The following RALYL variants were observed in gnomAD, a reference collection of about 807,000 sequenced individuals.
The protein encoded by RALYL is RNA-binding Raly-like protein.
Under a neutral mutation model 35.1 loss-of-function variants are expected in RALYL, and 29 were observed. The ratio of observed to expected loss-of-function variants is 0.83; its 90% CI spans 0.61 to 1.13. The LOEUF (loss-of-function observed/expected upper bound fraction) is 1.13. Among genes scored for constraint, RALYL ranks in the 50% most tolerant of loss-of-function variants. RALYL has a pLI of 0.00. For synonymous variants in RALYL, 120 were observed against 127.6 expected, an observed-to-expected ratio of 0.94 and a Z score of 0.40; for missense variants, 359 against 360.4, an observed-to-expected ratio of 1.00 and a Z score of 0.03.
At chr8:84,610,779 T>C (rs1818133023) in intron 2 of RALYL, among the ~76,000 whole-genome samples, 1 of 152,168 alleles carries the variant, frequency 6.6e-6, no homozygotes, top group Admixed American at 6.6e-5. Context: ...TGATATATTT[T>C]ACTTATTTTG....
chr8:84,697,611 A>G (rs181398362), intron 2 of RALYL, among the ~76,000 whole-genome samples: 3 of 152,208 alleles, frequency 2.0e-5, no homozygotes, highest in African/African-American at 7.2e-5. Flanking sequence ...CTTTTAATTC[A>G]GGAGTGAAAG....
chr8:84,374,253 A>G (rs1315373627), intron 1 of RALYL, among the ~76,000 whole-genome samples: 1 of 151,950 alleles, frequency 6.6e-6, no homozygotes, highest in Non-Finnish European at 1.5e-5. Context: ...CATGAATAGG[A>G]GTGATGACAA....
intron 1 of RALYL, among the ~76,000 whole-genome samples, chr8:84,226,637 T>C (rs935526280): frequency 2.6e-5 from 4 of 152,292 alleles, no homozygotes; most frequent in Admixed American, 2.6e-4. Flanking sequence ...AATTTACATC[T>C]ACATCTACTA....
intron 2 of RALYL, among the ~76,000 whole-genome samples, chr8:84,592,404 T>A (rs2130562904): frequency 6.6e-6 from 1 of 152,280 alleles, no homozygotes; most frequent in South Asian, 2.1e-4. Flanking sequence ...TTCTTTTTTA[T>A]TTTTGCTGTC....
chr8:84,388,947 G>T (rs1176121511), intron 1 of RALYL, among the ~76,000 whole-genome samples: 2 of 152,142 alleles, frequency 1.3e-5, no homozygotes, highest in Non-Finnish European at 2.9e-5. Context: ...TGTTGCCTAG[G>T]TTTTCTTCTA....
chr8:84,235,869 C>A (rs1412647182), intron 1 of RALYL, among the ~76,000 whole-genome samples: 2 of 148,892 alleles, frequency 1.3e-5, no homozygotes, highest in Non-Finnish European at 1.5e-5. Flanking sequence ...CTGGTTCAAG[C>A]GATTCTCCTG....
chr8:84,262,527 T>C (rs551568076), intron 1 of RALYL, among the ~76,000 whole-genome samples: 2 of 152,338 alleles, frequency 1.3e-5, no homozygotes, highest in South Asian at 4.1e-4. Context: ...TTTTTATAAA[T>C]GTTTTATAAT....
At chr8:84,793,989 T>TTTCAAATG (rs1445515187) in intron 3 of RALYL, among the ~76,000 whole-genome samples, 1 of 151,958 alleles carries the variant, frequency 6.6e-6, no homozygotes, top group Non-Finnish European at 1.5e-5. Flanking sequence ...TCTGAATGAG[T>TTTCAAATG]TTCAAATGTT....
chr8:84,583,181 C>G (rs1283254662), intron 2 of RALYL, among the ~76,000 whole-genome samples: 1 of 152,122 alleles, frequency 6.6e-6, no homozygotes, highest in African/African-American at 2.4e-5. Flanking sequence ...TGTTAGTCCT[C>G]TTGTCCTTCA....
chr8:84,335,728 T>TTTTTTTTC (rs1491282626), intron 1 of RALYL, among the ~76,000 whole-genome samples: 5 of 140,774 alleles, frequency 3.6e-5, no homozygotes, highest in African/African-American at 1.0e-4. Context: ...TTTTTTTTTT[T>TTTTTTTTC]CCAAGACCTG....
At chr8:84,185,014 A>G (rs766649516) in intron 1 of RALYL, 1 of 1,613,854 alleles carries the variant, frequency 6.2e-7, no homozygotes, top group Non-Finnish European at 8.5e-7. Context: ...TAAACGACGC[A>G]GTAGGTCCTA....
intron 1 of RALYL, among the ~76,000 whole-genome samples, chr8:84,424,174 C>T (rs1203693595): frequency 6.7e-6 from 1 of 150,300 alleles, no homozygotes; most frequent in Non-Finnish European, 1.5e-5. Flanking sequence ...CTCCCCATCA[C>T]TTTCAGGTAC....
intron 1 of RALYL, among the ~76,000 whole-genome samples, chr8:84,357,677 C>T (rs1391102640): frequency 6.7e-6 from 1 of 150,114 alleles, no homozygotes; most frequent in Admixed American, 6.7e-5. Flanking sequence ...CCTTTTAAAT[C>T]ATTGGCATCT....
intron 1 of RALYL, chr8:84,184,808 A>C: frequency 3.2e-6 from 2 of 619,480 alleles, no homozygotes; most frequent in Non-Finnish European, 5.7e-6. Context: ...AGGGCCGTGT[A>C]CGTGGCGCTG....
At chr8:84,540,930 C>G (rs2059979104) in intron 2 of RALYL, among the ~76,000 whole-genome samples, 1 of 151,786 alleles carries the variant, frequency 6.6e-6, no homozygotes, top group Non-Finnish European at 1.5e-5. Context: ...TACACATTAT[C>G]AAATATATTA....
At chr8:84,541,808 A>G (rs536121412) in intron 2 of RALYL, among the ~76,000 whole-genome samples, 2 of 152,166 alleles carry the variant, frequency 1.3e-5, no homozygotes, top group Admixed American at 6.5e-5. Flanking sequence ...TGATATATCT[A>G]TATCTTTAGT....
intron 1 of RALYL, among the ~76,000 whole-genome samples, chr8:84,281,669 T>C (rs1291421384): frequency 6.6e-6 from 1 of 152,128 alleles, no homozygotes; most frequent in Non-Finnish European, 1.5e-5. Flanking sequence ...CCTTCTTTAA[T>C]CTACTCACCT....
At chr8:84,735,617 G>T (rs1470837833) in intron 2 of RALYL, among the ~76,000 whole-genome samples, 1 of 151,970 alleles carries the variant, frequency 6.6e-6, no homozygotes, top group African/African-American at 2.4e-5. Flanking sequence ...TGGTCTGCTA[G>T]CCTGAAACTC....
chr8:84,353,273 C>G (rs1022771589), intron 1 of RALYL, among the ~76,000 whole-genome samples: 1 of 149,968 alleles, frequency 6.7e-6, no homozygotes, highest in Non-Finnish European at 1.5e-5. Context: ...TTACTCCCAT[C>G]GTTTAGCCCA....
Sources: gnomAD v4.1 joint callset for allele counts (sites outside exome capture counted in the v4.1 genomes callset) on GRCh38, gnomAD v4.1.1 for gene constraint, MANE v1.5 for transcripts, NCBI Gene and HGNC (gene_info 2026-07-23, HGNC 2026-07-21) for gene names.